The following SLC6A2 variants were observed in gnomAD, a reference collection of about 807,000 sequenced individuals.
SLC6A2 encodes the protein sodium-dependent noradrenaline transporter.
In SLC6A2, 26 loss-of-function variants were observed where a neutral mutation model predicts 71.7. That is an observed-to-expected ratio of 0.36 (90% CI 0.27 to 0.50). The LOEUF (loss-of-function observed/expected upper bound fraction) is 0.50. Ranked by LOEUF, SLC6A2 falls within the 20% of genes least tolerant of loss-of-function variation. SLC6A2 has a pLI of 0.96. For synonymous variants in SLC6A2, 363 were observed against 337.9 expected (o/e 1.07, Z -0.82); for missense variants, 581 against 803.9 (o/e 0.72, Z 3.35).
intron 2 of SLC6A2, among the ~76,000 whole-genome samples, chr16:55,665,999 T>C (rs1273654910): frequency 6.6e-6 from 1 of 152,274 alleles, no homozygotes; most frequent in South Asian, 2.1e-4. Flanking sequence ...AAAGTGTGTG[T>C]CCATTTTGCA....
At chr16:55,673,393 A>C (rs1964984597) in intron 4 of SLC6A2, among the ~76,000 whole-genome samples, 1 of 152,050 alleles carries the variant, frequency 6.6e-6, no homozygotes, top group South Asian at 2.1e-4. Context: ...TCCTTTTTTA[A>C]GTAATGTGTC....
chr16:55,664,361 G>A (rs1462047423), intron 2 of SLC6A2, among the ~76,000 whole-genome samples: 1 of 152,206 alleles, frequency 6.6e-6, no homozygotes, highest in East Asian at 1.9e-4. Flanking sequence ...TCCTGCATTT[G>A]CTCATGGTCA....
Position 55,695,320 on chromosome 16 carries a change from C to T in SLC6A2, c.1065C>T (p.Phe355=), listed in dbSNP as rs11568336. The stretch of plus-strand genomic sequence containing the variant: ...GCAGCATCAACTGTATCACCAGCTT[C>T]GTCTCTGGGTTCGCCATCTTCTCCA... ...LTSSINCITS[F]VSGFAIFSIL... is the part of the protein sequence containing the mutation. The change falls in exon 8 of 15, where the codon TTC becomes TTT. Residue 355 remains phenylalanine (F), a synonymous_variant. Transcript: ENST00000568943. 5.3e-5 allele frequency: 86 copies of T among 1,614,198 alleles called. No homozygotes were observed. Among genetic ancestry groups the T allele is most frequent in the South Asian group, 2.3e-4 (21 of 91,086 alleles).
intron 2 of SLC6A2, among the ~76,000 whole-genome samples, chr16:55,661,076 G>A (rs1363164942): frequency 6.6e-6 from 1 of 152,170 alleles, no homozygotes; most frequent in African/African-American, 2.4e-5. Flanking sequence ...CAAATAGCTG[G>A]TCTCCATGAG....
rs778286692 is a variant in SLC6A2, at chr16:55,701,959, G to A, written c.1830+25G>A. ...GGTGGGTGAAGCCTAGACCCCTGGGGTGGAGATTACAAGGGCGGGCCCTGG... is the reference window on the plus strand; with the variant it reads ...GGTGGGTGAAGCCTAGACCCCTGGGATGGAGATTACAAGGGCGGGCCCTGG... On this transcript the variant is annotated intron_variant, in intron 14 of 14. Transcript: ENST00000568943. The A allele has an allele frequency of 1.6e-5, 25 of 1,578,082 alleles. No individual in the cohort carries two copies. The East Asian group carries it at 2.7e-4, about 17-fold the overall frequency.
chr16:55,681,756 G>A (rs1436517504), intron 4 of SLC6A2, among the ~76,000 whole-genome samples: 1 of 152,206 alleles, frequency 6.6e-6, no homozygotes, highest in African/African-American at 2.4e-5. Flanking sequence ...AGCAAGGGCT[G>A]TCATCTGCCT....
At chr16:55,700,624 C>G (rs1965945838) in intron 13 of SLC6A2, among the ~76,000 whole-genome samples, 1 of 152,152 alleles carries the variant, frequency 6.6e-6, no homozygotes, top group East Asian at 1.9e-4. Flanking sequence ...GACAGACTGC[C>G]TGAACCCAGC....
At chr16:55,667,668 C>A (rs1227818418) in intron 2 of SLC6A2, among the ~76,000 whole-genome samples, 1 of 152,230 alleles carries the variant, frequency 6.6e-6, no homozygotes, top group Non-Finnish European at 1.5e-5. Context: ...CATGGCCACT[C>A]CAGAGACTTC....
chr16:55,687,358 A>C (rs1330737742), intron 5 of SLC6A2, among the ~76,000 whole-genome samples: 10 of 152,216 alleles, frequency 6.6e-5, no homozygotes, highest in Non-Finnish European at 1.5e-4. Context: ...GTTGTGGTCA[A>C]AAAGTGTGAG....
chr16:55,676,278 A>T (rs143911113), intron 4 of SLC6A2, among the ~76,000 whole-genome samples: 175 of 152,288 alleles, frequency 1.1e-3, no homozygotes, highest in African/African-American at 4.0e-3. Flanking sequence ...TCACCATCAC[A>T]TTAATAGCTA....
chr16:55,690,649 G>T (rs1965589223), intron 5 of SLC6A2, among the ~76,000 whole-genome samples: 1 of 152,124 alleles, frequency 6.6e-6, no homozygotes, highest in African/African-American at 2.4e-5. Flanking sequence ...GGCTACCCAT[G>T]GCTGCCTCTG....
Position 55,700,386 on chromosome 16 carries a change from G to A in SLC6A2, c.1758+80G>A, listed in dbSNP as rs568148648. 8.6e-6 allele frequency: 11 copies of A among 1,285,712 alleles called. No individual in the cohort carries two copies. The African/African-American group carries it at 1.2e-4, about 14-fold the overall frequency. 79.6% of individuals were successfully genotyped at this position (1,285,712 alleles called of 1,614,324 possible). A position where few individuals can be genotyped will look rare whatever the true frequency, so the allele number is the denominator to read the frequency against. ...CGGGACGACTCTCATTCCTGTTGGG[G>A]TGGGGGAAGGGACAGAAGGACACAG... On this transcript the variant is annotated intron_variant, in intron 13 of 14. Transcript: ENST00000568943.
chr16:55,675,790 C>T (rs1419739048), intron 4 of SLC6A2, among the ~76,000 whole-genome samples: 2 of 150,954 alleles, frequency 1.3e-5, no homozygotes, highest in Admixed American at 6.6e-5. Flanking sequence ...AAAAAAAAAA[C>T]ATATTCACAA....
At chr16:55,673,882 T>A (rs1191329567) in intron 4 of SLC6A2, among the ~76,000 whole-genome samples, 1 of 152,224 alleles carries the variant, frequency 6.6e-6, no homozygotes, top group Admixed American at 6.5e-5. Context: ...CTAGATTAAT[T>A]GGAATTCTTC....
intron 2 of SLC6A2, among the ~76,000 whole-genome samples, chr16:55,668,788 G>A (rs1198359516): frequency 1.3e-5 from 2 of 152,156 alleles, no homozygotes; most frequent in Non-Finnish European, 1.5e-5. Context: ...GATGTTCTGG[G>A]TGGGTAACTT....
chr16:55,683,679 T>C (rs1465257186), intron 4 of SLC6A2, among the ~76,000 whole-genome samples: 1 of 152,094 alleles, frequency 6.6e-6, no homozygotes, highest in Non-Finnish European at 1.5e-5. Flanking sequence ...AAACACTTTA[T>C]TGATAGCTAA....
chr16:55,675,344 T>C (rs1965051943), intron 4 of SLC6A2, among the ~76,000 whole-genome samples: 1 of 152,188 alleles, frequency 6.6e-6, no homozygotes, highest in African/African-American at 2.4e-5. Context: ...AACTCCACCC[T>C]CAGGGCATTC....
At chr16:55,697,792 C>T (rs1328375179) in intron 9 of SLC6A2, 105 bp from the exon 10 acceptor site, 1 of 1,230,192 alleles carries the variant, frequency 8.1e-7, no homozygotes, top group Non-Finnish European at 1.2e-6. Flanking sequence ...GCAAGGCAGC[C>T]TACATGAGTC....
At chr16:55,685,667 A>G (rs1195794856) in intron 5 of SLC6A2, among the ~76,000 whole-genome samples, 1 of 152,238 alleles carries the variant, frequency 6.6e-6, no homozygotes, top group Non-Finnish European at 1.5e-5. Context: ...CAAATGTTGC[A>G]TCCTACTCTG....
Sources: allele counts gnomAD v4.1 joint callset (sites outside exome capture counted in the v4.1 genomes callset), GRCh38; gene constraint gnomAD v4.1.1; transcripts MANE v1.5; gene names NCBI Gene and HGNC (gene_info 2026-07-23, HGNC 2026-07-21).